PDXDC1: variants seen among roughly 807,000 people sequenced by gnomAD.
The protein encoded by PDXDC1 is pyridoxal-dependent decarboxylase domain-containing protein 1.
Under a neutral mutation model 100.1 loss-of-function variants are expected in PDXDC1, and 42 were observed. The observed-to-expected ratio is 0.42, with a 90% CI of 0.33 to 0.54. The LOEUF is 0.54. PDXDC1 is among the 20% of genes least tolerant of loss of function. The probability of loss-of-function intolerance (pLI) is 0.10; values close to 1 mark genes in which losing one functional copy is unlikely to be tolerated. For synonymous variants in PDXDC1, 260 were observed against 371.7 expected (o/e 0.70, Z 3.46); for missense variants, 636 against 979.2 (o/e 0.65, Z 4.68).
chr16:15,062,332 A>G (rs1404382216), intron 16 of PDXDC1, among the ~76,000 whole-genome samples: 1 of 152,222 alleles, frequency 6.6e-6, no homozygotes, highest in African/African-American at 2.4e-5. Context: ...GAACTCTTGT[A>G]CCTAACACAA....
intron 16 of PDXDC1, chr16:15,131,418 A>C: frequency 6.2e-7 from 1 of 1,607,526 alleles, no homozygotes; most frequent in East Asian, 2.2e-5. Context: ...CACTGAGGTT[A>C]GCCGGGGCCC....
At chr16:15,025,016 G>A (rs1186938766) in intron 13 of PDXDC1, among the ~76,000 whole-genome samples, 2 of 152,306 alleles carry the variant, frequency 1.3e-5, no homozygotes, top group African/African-American at 4.8e-5. Flanking sequence ...CCCATCCCCT[G>A]CCACTCAGCT....
chr16:15,070,549 T>C (rs1162651699), intron 16 of PDXDC1, among the ~76,000 whole-genome samples: 1 of 152,082 alleles, frequency 6.6e-6, no homozygotes, highest in Non-Finnish European at 1.5e-5. Flanking sequence ...AAGGCACCCC[T>C]CTTAAGGTGA....
chr16:15,050,071 A>G (rs2044237503), intron 16 of PDXDC1, among the ~76,000 whole-genome samples: 3 of 152,214 alleles, frequency 2.0e-5, no homozygotes, highest in Non-Finnish European at 4.4e-5. Context: ...TCACATAGTT[A>G]TTGTTAGAAT....
At chr16:15,054,648 C>T (rs903151255) in intron 16 of PDXDC1, among the ~76,000 whole-genome samples, 3 of 152,158 alleles carry the variant, frequency 2.0e-5, no homozygotes, top group Non-Finnish European at 2.9e-5. Context: ...GCCTTCTCCC[C>T]GTCAGTAAGT....
rs766692859 is a variant in PDXDC1 at position 15,130,450 on chromosome 16, T to A, written c.1400-8429T>A. ...AGACGGTAACTCCCCACTGGGTCTCTGGTCCTGGGCAGGGAAGGGGCAGTG... is the reference window on the plus strand; with the variant it reads ...AGACGGTAACTCCCCACTGGGTCTCAGGTCCTGGGCAGGGAAGGGGCAGTG... On this transcript the variant is annotated intron_variant, in intron 16 of 16. Transcript: ENST00000535621. The A allele has an allele frequency of 1.2e-5, 18 of 1,465,608 alleles. No homozygotes were observed. The South Asian group carries it at 1.7e-4, about 14-fold the overall frequency. The allele number at this position is 1,465,608 out of a possible 1,614,324, so 90.8% of individuals were successfully genotyped here.
intron 16 of PDXDC1, among the ~76,000 whole-genome samples, chr16:15,079,078 G>A (rs963481477): frequency 3.3e-5 from 5 of 152,082 alleles, no homozygotes; most frequent in Non-Finnish European, 5.9e-5. Context: ...CCAAAGTGCT[G>A]GGATTACATG....
At chr16:15,147,113 G>C in the PDXDC1 span, among the ~76,000 whole-genome samples, 1 of 145,820 alleles carries the variant, frequency 6.9e-6, no homozygotes, top group East Asian at 2.1e-4. Flanking sequence ...CAGGGAGGGA[G>C]AGGTGGGAGG....
In PDXDC1 at chr16:15,033,532, C is replaced by T. The variant is rs150855372; in HGVS notation, c.1812+133C>T. 96 of 1,058,130 alleles carry T rather than the reference C, an allele frequency of 9.1e-5. No homozygotes were observed. The African/African-American group carries it at 1.4e-3, about 15-fold the overall frequency. The allele number at this position is 1,058,130 out of a possible 1,614,324, so 65.5% of individuals were successfully genotyped here. The stretch of plus-strand genomic sequence containing the variant: ...AAAGTCTGTCAATGTTTCCTGTAAG[C>T]TGGGCCTTGTGCCAGGTGTCAGAGA... On this transcript the variant is annotated intron_variant, in intron 19 of 22. Transcript: ENST00000396410.
chr16:15,149,549 C>T, the PDXDC1 span, among the ~76,000 whole-genome samples: 35 of 152,292 alleles, frequency 2.3e-4, no homozygotes, highest in South Asian at 3.5e-3. Context: ...CTGTCTTCCC[C>T]GACGCCAATC....
intron 16 of PDXDC1, chr16:15,092,725 T>A (rs571327139): frequency 5.6e-6 from 4 of 715,260 alleles, no homozygotes; most frequent in Non-Finnish European, 9.7e-6. Context: ...AAGGCCTCTT[T>A]ACTGGTCTCC....
At chr16:15,043,405 A>G (rs1046955729) in intron 16 of PDXDC1, among the ~76,000 whole-genome samples, 3 of 152,200 alleles carry the variant, frequency 2.0e-5, no homozygotes, top group Non-Finnish European at 2.9e-5. Flanking sequence ...TCAGCTGGGC[A>G]TGGTGGCATG....
intron 16 of PDXDC1, among the ~76,000 whole-genome samples, chr16:15,090,231 T>A (rs905032617): frequency 5.9e-5 from 9 of 151,486 alleles, no homozygotes; most frequent in African/African-American, 2.2e-4. Flanking sequence ...TCCACTGAAA[T>A]CAGCATGTAA....
rs2043468171 is a variant in PDXDC1, at chr16:15,036,579, T to G, written c.*304T>G. ...TGTCTACCAGTAGCACCCTTGCTCTTTCTAAACATAAGCCTAAGTATATGA... is the reference window on the plus strand; with the variant it reads ...TGTCTACCAGTAGCACCCTTGCTCTGTCTAAACATAAGCCTAAGTATATGA... On this transcript the variant is annotated 3_prime_UTR_variant, in exon 23 of 23. Transcript: ENST00000396410. 1 of 417,166 alleles carries G rather than the reference T, an allele frequency of 2.4e-6. No individual in the cohort carries two copies. Among genetic ancestry groups the G allele is most frequent in the South Asian group, 3.4e-5 (1 of 29,224 alleles). The allele number at this position is 417,166 out of a possible 1,614,324, so 25.8% of individuals were successfully genotyped here. A position where few individuals can be genotyped will look rare whatever the true frequency, so the allele number is the denominator to read the frequency against.
chr16:15,125,658 A>C (rs780055136), intron 16 of PDXDC1: 21 of 1,275,262 alleles, frequency 1.6e-5, no homozygotes, highest in Non-Finnish European at 2.2e-5. Flanking sequence ...CAGGACCCCC[A>C]GCCCAGCCCA....
chr16:14,974,982 T>A (rs1408943620), upstream of PDXDC1: 7 of 1,535,168 alleles, frequency 4.6e-6, no homozygotes, highest in East Asian at 1.7e-4. Context: ...AGGTACGGAA[T>A]CCCAGAGGGC....
In PDXDC1 at chr16:15,079,830, C is replaced by T. The variant is rs1399123622; in HGVS notation, c.1399+49774C>T. Among the ~76,000 whole-genome samples the T allele has an allele frequency of 2.0e-5, 3 of 152,166 alleles. No individual in the cohort carries two copies. In the East Asian group the frequency reaches 5.8e-4, roughly 29 times the overall value. ...CAGGCTGGTCTCGAACTCCTGACCTCAGGTGATCTGCCTGCCTCGGCCTCC... is the reference window on the plus strand; with the variant it reads ...CAGGCTGGTCTCGAACTCCTGACCTTAGGTGATCTGCCTGCCTCGGCCTCC... On this transcript the variant is annotated intron_variant, in intron 16 of 16. Transcript: ENST00000535621.
At position 15,019,019 on chromosome 16, in the gene PDXDC1, GA is replaced by G. The variant is rs2041987958; in HGVS notation, c.1089+59del. On this transcript the variant is annotated intron_variant, in intron 12 of 22. Coordinates refer to ENST00000396410, the MANE Select transcript of PDXDC1 (RefSeq NM_015027.4). ...AGACTCCTTGGCCACAGCAGAGACA[GA>G]AAAACATCTCATTTCTGTACCTTCC... 46 of 1,596,362 alleles carry G rather than the reference GA, an allele frequency of 2.9e-5. 1 individual carries two copies. Among genetic ancestry groups the G allele is most frequent in the Non-Finnish European group, 3.7e-5 (43 of 1,168,546 alleles).
chr16:15,073,143 ATT>A (rs1275650738), intron 16 of PDXDC1: 1 of 1,549,582 alleles, frequency 6.5e-7, no homozygotes, highest in Non-Finnish European at 8.8e-7. Flanking sequence ...CATCTGCCAT[ATT>A]TTTTATAAAC....
Sources: allele counts gnomAD v4.1 joint callset (sites outside exome capture counted in the v4.1 genomes callset), GRCh38; gene constraint gnomAD v4.1.1; transcripts MANE v1.5; gene names NCBI Gene and HGNC (gene_info 2026-07-23, HGNC 2026-07-21).